Variants in PTPN9 observed in about 807,000 individuals in gnomAD.
PTPN9 encodes tyrosine-protein phosphatase non-receptor type 9.
A neutral mutation model predicts 69.8 loss-of-function variants in PTPN9; 26 were observed. The ratio of observed to expected loss-of-function variants is 0.37; its 90% CI spans 0.27 to 0.52. The LOEUF is 0.52. PTPN9 is among the 20% of genes least tolerant of loss of function. The pLI is 0.91. For synonymous variants in PTPN9, 274 were observed against 272.5 expected (o/e 1.01, Z -0.05); for missense variants, 549 against 740.3 (o/e 0.74, Z 3.00).
intron 10 of PTPN9, among the ~76,000 whole-genome samples, chr15:75,472,752 C>G (rs1334154673): frequency 7.1e-6 from 1 of 140,458 alleles, no homozygotes; most frequent in Non-Finnish European, 1.5e-5. Flanking sequence ...GTACTCCCAC[C>G]TGGGTGACAG....
At chr15:75,490,346 G>T in intron 7 of PTPN9, 45 bp from the exon 8 acceptor site, 1 of 1,388,682 alleles carries the variant, frequency 7.2e-7, no homozygotes, top group South Asian at 1.2e-5. Context: ...AAAAAGTGGG[G>T]ACAGTATGTA....
In PTPN9 at chr15:75,579,036, C is replaced by G. The variant is rs1402875260; in HGVS notation, c.-260G>C. On this transcript the variant is annotated 5_prime_UTR_variant, in exon 1 of 13. Coordinates refer to ENST00000618819, the MANE Select transcript of PTPN9 (RefSeq NM_002833.4). ...CTCCGTTCCTCACACTCCCCCTTAT[C>G]TCCTGGGGAAGAAAAAGTGCAGGCG... 1 of 239,770 alleles carries G rather than the reference C, an allele frequency of 4.2e-6. No individual in the cohort carries two copies. Among genetic ancestry groups the G allele is most frequent in the African/African-American group, 2.3e-5 (1 of 43,872 alleles). The allele number at this position is 239,770 out of a possible 1,614,324, so 14.9% of individuals were successfully genotyped here. A position where few individuals can be genotyped will look rare whatever the true frequency, so the allele number is the denominator to read the frequency against.
In PTPN9 at chr15:75,466,817, A is replaced by G. The variant is rs1024414920; in HGVS notation, c.*1952T>C. 7 of 152,236 alleles carry G rather than the reference A, an allele frequency of 4.6e-5. No individual in the cohort carries two copies. Among genetic ancestry groups the G allele is most frequent in the Non-Finnish European group, 4.4e-5 (3 of 68,044 alleles). The allele number at this position is 152,236 out of a possible 1,614,324, so 9.4% of individuals were successfully genotyped here. The stretch of plus-strand genomic sequence containing the variant: ...CTTCCTCATCTATATAGAAATGAGA[A>G]AGGGGTGCACAGGAGAAGGGAGAGA... On this transcript the variant is annotated 3_prime_UTR_variant, in exon 13 of 13. Coordinates refer to ENST00000618819, the MANE Select transcript of PTPN9 (RefSeq NM_002833.4).
intron 11 of PTPN9, 42 bp from the exon 12 acceptor site, chr15:75,470,041 G>A: frequency 6.5e-7 from 1 of 1,529,940 alleles, no homozygotes; most frequent in Non-Finnish European, 9.0e-7. Flanking sequence ...GGTTATTTCT[G>A]CCTGCCCCTA....
rs1476051262 is a variant in PTPN9, at chr15:75,530,619, ATAT to A, written c.64-3361_64-3359del. Among the ~76,000 whole-genome samples the A allele has an allele frequency of 1.7e-4, 14 of 80,612 alleles. 2 individuals carry two copies. Among genetic ancestry groups the A allele is most frequent in the Admixed American group, 6.5e-4 (3 of 4,614 alleles). 52.9% of individuals were successfully genotyped at this position (80,612 alleles called of 152,430 possible). A position where few individuals can be genotyped will look rare whatever the true frequency, so the allele number is the denominator to read the frequency against. ...ATTATATTATAATATACTATAATAT[ATAT>A]TATTATATTATAATATACTATAATA... On this transcript the variant is annotated intron_variant, in intron 1 of 12. Transcript: ENST00000618819.
intron 4 of PTPN9, among the ~76,000 whole-genome samples, 169 bp from the exon 5 acceptor site, chr15:75,517,533 C>CT (rs777272687): frequency 1.3e-5 from 2 of 152,172 alleles, no homozygotes; most frequent in Non-Finnish European, 2.9e-5. Flanking sequence ...TTGGTATCTG[C>CT]TATGTTTATT....
intron 5 of PTPN9, among the ~76,000 whole-genome samples, chr15:75,514,585 A>AT (rs1232776478): frequency 6.6e-6 from 1 of 152,236 alleles, no homozygotes; most frequent in Admixed American, 6.5e-5. Flanking sequence ...CTTAAAAAAA[A>AT]GGAACTTCTG....
chr15:75,551,449 A>G (rs985455368), intron 1 of PTPN9, among the ~76,000 whole-genome samples: 1 of 151,780 alleles, frequency 6.6e-6, no homozygotes, highest in Non-Finnish European at 1.5e-5. Flanking sequence ...TCTGCCTCCC[A>G]GGTGGGTTCA....
chr15:75,491,822 C>A (rs2074712605), intron 7 of PTPN9, among the ~76,000 whole-genome samples: 1 of 152,026 alleles, frequency 6.6e-6, no homozygotes, highest in Non-Finnish European at 1.5e-5. Context: ...GGGTATACCA[C>A]CAAAAAACTC....
intron 1 of PTPN9, among the ~76,000 whole-genome samples, chr15:75,530,220 AAAAGAAAG>A (rs1212456631): frequency 5.0e-5 from 7 of 141,292 alleles, no homozygotes; most frequent in African/African-American, 7.8e-5. Context: ...AAAAAAAAAG[AAAAGAAAG>A]AAAGAAAGAA....
chr15:75,578,809 C>A lies in PTPN9; in HGVS notation c.-33G>T. On this transcript the variant is annotated 5_prime_UTR_variant, in exon 1 of 13. Coordinates refer to ENST00000618819, the MANE Select transcript of PTPN9 (RefSeq NM_002833.4). ...CCACCGCCGCCGGGCGGACAAAACT[C>A]GCTCGCGAGCGCGGGAGCCCGGCGC... 1 of 1,207,866 alleles carries A rather than the reference C, an allele frequency of 8.3e-7. No homozygotes were observed. The highest frequency in any genetic ancestry group is 3.7e-5 in the South Asian group (1 of 27,258). The allele number at this position is 1,207,866 out of a possible 1,614,324, so 74.8% of individuals were successfully genotyped here. A position where few individuals can be genotyped will look rare whatever the true frequency, so the allele number is the denominator to read the frequency against.
At position 75,555,903 on chromosome 15, in the gene PTPN9, A is replaced by G. The variant is rs1023726054; in HGVS notation, c.63+22811T>C. 2.6e-5 allele frequency among the ~76,000 whole-genome samples: 4 copies of G among 151,882 alleles called. No homozygotes were observed. The South Asian group carries it at 8.3e-4, about 31-fold the overall frequency. ...CTGCTCTAGCCAGGTGCAGTAGCCT[A>G]CACCTATAATCCTAGCACTTTGGGA... On this transcript the variant is annotated intron_variant, in intron 1 of 12. Transcript: ENST00000618819.
chr15:75,480,860 G>C (rs902215430), intron 8 of PTPN9: 5 of 291,838 alleles, frequency 1.7e-5, no homozygotes, highest in African/African-American at 1.2e-4. Context: ...GCCTCCCAAA[G>C]TGCCGAGATT....
At chr15:75,501,410 G>T (rs1461165803) in intron 7 of PTPN9, among the ~76,000 whole-genome samples, 1 of 151,196 alleles carries the variant, frequency 6.6e-6, no homozygotes, top group African/African-American at 2.4e-5. Context: ...GACCCACTAG[G>T]ATGGCTTCCC....
At chr15:75,515,319 C>G (rs1307514799) in intron 5 of PTPN9, among the ~76,000 whole-genome samples, 1 of 149,506 alleles carries the variant, frequency 6.7e-6, no homozygotes, top group African/African-American at 2.5e-5. Flanking sequence ...CCCAACTACT[C>G]TGGAGGCTGA....
intron 8 of PTPN9, chr15:75,487,740 C>T (rs1451193286): frequency 6.6e-6 from 1 of 152,170 alleles, no homozygotes; most frequent in African/African-American, 2.4e-5. Flanking sequence ...AAATCTTCTC[C>T]AAGGGTCCTG....
chr15:75,559,070 G>A (rs1471807505), intron 1 of PTPN9, among the ~76,000 whole-genome samples: 14 of 151,578 alleles, frequency 9.2e-5, no homozygotes, highest in African/African-American at 3.1e-4. Flanking sequence ...CCGCCATCCC[G>A]TCTAGGAAGT....
At chr15:75,552,041 CAAAAAAA>C (rs1312052010) in intron 1 of PTPN9, among the ~76,000 whole-genome samples, 11 of 101,338 alleles carry the variant, frequency 1.1e-4, no homozygotes, top group African/African-American at 4.1e-4. Context: ...GACTCCATCT[CAAAAAAA>C]AAAAAGAAAA....
chr15:75,482,437 C>A (rs1332987194), intron 8 of PTPN9, among the ~76,000 whole-genome samples: 10 of 151,864 alleles, frequency 6.6e-5, no homozygotes, highest in Non-Finnish European at 8.8e-5. Context: ...TGGTGGCGGG[C>A]GCCTGTAGTC....
Sources: allele counts gnomAD v4.1 joint callset (sites outside exome capture counted in the v4.1 genomes callset), GRCh38; gene constraint gnomAD v4.1.1; transcripts MANE v1.5; gene names NCBI Gene and HGNC (gene_info 2026-07-23, HGNC 2026-07-21).